The following NELL1 variants were observed in gnomAD, a reference collection of about 807,000 sequenced individuals.
NELL1 encodes the protein protein kinase C-binding protein NELL1.
In NELL1, 76 loss-of-function variants were observed where a neutral mutation model predicts 107.4. The ratio of observed to expected loss-of-function variants is 0.71; its 90% CI spans 0.59 to 0.86. The LOEUF (loss-of-function observed/expected upper bound fraction) is 0.86. NELL1 is among the 40% of genes least tolerant of loss of function. NELL1 has a pLI of 0.00. For synonymous variants in NELL1, 353 were observed against 341.2 expected (o/e 1.03, Z -0.38); for missense variants, 1,024 against 1,005.5 (o/e 1.02, Z -0.25).
At chr11:21,574,060 A>G (rs950800286) in intron 19 of NELL1, among the ~76,000 whole-genome samples, 1 of 151,938 alleles carries the variant, frequency 6.6e-6, no homozygotes, top group African/African-American at 2.4e-5. Flanking sequence ...TTCAAAGCTC[A>G]TGAAGAGCTG....
intron 5 of NELL1, among the ~76,000 whole-genome samples, chr11:20,886,370 G>C (rs1214296128): frequency 1.3e-5 from 2 of 152,010 alleles, no homozygotes; most frequent in East Asian, 3.8e-4. Flanking sequence ...TTCTTTGAAA[G>C]AATGACACAC....
intron 13 of NELL1, among the ~76,000 whole-genome samples, chr11:21,203,740 G>C (rs1471047214): frequency 1.3e-5 from 2 of 152,124 alleles, no homozygotes; most frequent in African/African-American, 4.8e-5. Context: ...TGTTTTTGCA[G>C]TGGCTGCTAC....
chr11:21,514,854 A>G (rs1461025367), intron 15 of NELL1, among the ~76,000 whole-genome samples: 1 of 152,186 alleles, frequency 6.6e-6, no homozygotes, highest in Non-Finnish European at 1.5e-5. Context: ...TGTATTATTG[A>G]GGACTGGCTT....
intron 14 of NELL1, among the ~76,000 whole-genome samples, chr11:21,286,289 A>C (rs967237707): frequency 1.3e-5 from 2 of 152,218 alleles, no homozygotes; most frequent in African/African-American, 4.8e-5. Context: ...TTTCTTGAAG[A>C]ATAAGGCAAA....
chr11:20,720,814 C>T (rs1855363083), intron 2 of NELL1, among the ~76,000 whole-genome samples: 1 of 151,938 alleles, frequency 6.6e-6, no homozygotes, highest in African/African-American at 2.4e-5. Context: ...TAGAGCTCAC[C>T]CTACCAACCT....
chr11:21,178,890 G>A (rs1356843255), intron 13 of NELL1, among the ~76,000 whole-genome samples: 1 of 151,904 alleles, frequency 6.6e-6, no homozygotes, highest in East Asian at 1.9e-4. Context: ...AAACTGGAAG[G>A]TAACCCATGT....
chr11:20,927,058 C>G, intron 7 of NELL1: 1 of 410,822 alleles, frequency 2.4e-6, no homozygotes, highest in East Asian at 4.8e-5. Flanking sequence ...CCATGAGGTT[C>G]CTGAGTTACA....
chr11:20,898,629 T>C (rs995105410), intron 5 of NELL1, among the ~76,000 whole-genome samples: 5 of 152,000 alleles, frequency 3.3e-5, no homozygotes, highest in South Asian at 2.1e-4. Context: ...TTTTTTTTTT[T>C]AAATTATGAC....
chr11:21,446,817 G>T (rs2133852848), intron 15 of NELL1, among the ~76,000 whole-genome samples: 1 of 152,304 alleles, frequency 6.6e-6, no homozygotes, highest in Admixed American at 6.5e-5. Flanking sequence ...TCCACAATCA[G>T]CACATTGTGA....
At position 20,724,437 on chromosome 11, in the gene NELL1, C is replaced by T. The variant is rs369426322; in HGVS notation, c.184+46377C>T. Among the ~76,000 whole-genome samples, 1,065 of 152,226 alleles carry T rather than the reference C, an allele frequency of 7.0e-3. 13 individuals are homozygous for T. The highest frequency in any genetic ancestry group is 0.023 in the African/African-American group (964 of 41,532). On this transcript the variant is annotated intron_variant, in intron 2 of 19. Coordinates refer to ENST00000357134, the MANE Select transcript of NELL1 (RefSeq NM_006157.5). ...AAGACAGGTCACCTCTTAAATGCTT[C>T]GCTGGTTAGAAATTTCTTCCACCAG...
At chr11:20,670,447 A>G (rs1395442346) in intron 1 of NELL1, 1 of 150,640 alleles carries the variant, frequency 6.6e-6, no homozygotes, top group African/African-American at 2.4e-5. Flanking sequence ...AGCTCAAACC[A>G]GTTTTCTCTT....
rs954211833 is a variant in NELL1, at chr11:21,503,160, C to T, written c.1646-31214C>T. ...CCTCCCAAAGTGCCGGGACTACAAG[C>T]GTGAGCCACTGCACCCAGCCTAATA... On this transcript the variant is annotated intron_variant, in intron 15 of 19. Coordinates refer to ENST00000357134, the MANE Select transcript of NELL1 (RefSeq NM_006157.5). Among the ~76,000 whole-genome samples the T allele has an allele frequency of 3.3e-5, 5 of 152,322 alleles. No homozygotes were observed. The East Asian group carries it at 5.8e-4, about 18-fold the overall frequency.
chr11:21,449,925 T>C (rs550098777), intron 15 of NELL1, among the ~76,000 whole-genome samples: 8 of 152,322 alleles, frequency 5.3e-5, no homozygotes, highest in African/African-American at 1.9e-4. Flanking sequence ...ATCTTTAAAC[T>C]AGTACCACAT....
intron 12 of NELL1, among the ~76,000 whole-genome samples, chr11:21,012,663 A>G (rs997977267): frequency 1.3e-5 from 2 of 152,122 alleles, no homozygotes; most frequent in Non-Finnish European, 2.9e-5. Flanking sequence ...AGAGTTTTTA[A>G]AGATAGTCTG....
intron 13 of NELL1, among the ~76,000 whole-genome samples, chr11:21,137,995 A>C (rs1855781449): frequency 6.6e-6 from 1 of 152,194 alleles, no homozygotes; most frequent in African/African-American, 2.4e-5. Context: ...GGGACCTTTG[A>C]AATGTAGTGT....
rs1010826221 is a variant in NELL1 at position 20,786,631 on chromosome 11, T to TCCTCA, written c.335+2802_335+2806dup. ...GACCCATATGGATTTTCTTCTTGTG[T>TCCTCA]CCTCAGAAGAAAAATTTATCTGAGG... On this transcript the variant is annotated intron_variant, in intron 3 of 19. Transcript: ENST00000357134. Among the ~76,000 whole-genome samples the TCCTCA allele has an allele frequency of 2.9e-4, 44 of 152,030 alleles. No homozygotes were observed. In the Middle Eastern group the frequency reaches 0.01, roughly 35 times the overall value.
chr11:20,762,029 G>A (rs565248238), intron 2 of NELL1, among the ~76,000 whole-genome samples: 2 of 152,356 alleles, frequency 1.3e-5, no homozygotes, highest in Admixed American at 1.3e-4. Context: ...CATCACATGA[G>A]TGATTTTTCC....
intron 16 of NELL1, among the ~76,000 whole-genome samples, chr11:21,552,277 T>G (rs1856610573): frequency 6.6e-6 from 1 of 151,714 alleles, no homozygotes; most frequent in South Asian, 2.1e-4. Flanking sequence ...CCCTAAAACT[T>G]AAAGTATAAT....
At chr11:21,543,479 A>G (rs539196452) in intron 16 of NELL1, among the ~76,000 whole-genome samples, 87 of 152,172 alleles carry the variant, frequency 5.7e-4, no homozygotes, top group Admixed American at 2.2e-3. Flanking sequence ...TATGGAATGG[A>G]TATGGAAAAA....
Sources: allele counts gnomAD v4.1 joint callset (sites outside exome capture counted in the v4.1 genomes callset), GRCh38; gene constraint gnomAD v4.1.1; transcripts MANE v1.5; gene names NCBI Gene and HGNC (gene_info 2026-07-23, HGNC 2026-07-21).